The following DGKG variants were observed in gnomAD, a reference collection of about 807,000 sequenced individuals.
The protein encoded by DGKG is diacylglycerol kinase gamma.
A neutral mutation model predicts 105.3 loss-of-function variants in DGKG; 78 were observed. The observed-to-expected ratio is 0.74, with a 90% CI of 0.62 to 0.89. DGKG has a LOEUF of 0.89. DGKG is among the 40% of genes least tolerant of loss of function. The pLI, the probability that DGKG is intolerant of heterozygous loss-of-function variation, is 0.00. For synonymous variants in DGKG, 346 were observed against 367.1 expected, an observed-to-expected ratio of 0.94 and a Z score of 0.66; for missense variants, 958 against 1,020.1, an observed-to-expected ratio of 0.94 and a Z score of 0.83.
chr3:186,185,309 A>G (rs899470793), intron 22 of DGKG, among the ~76,000 whole-genome samples: 5 of 152,250 alleles, frequency 3.3e-5, no homozygotes, highest in Admixed American at 1.3e-4. Flanking sequence ...CCTCATCTAA[A>G]GAACAGGAAG....
At chr3:186,213,867 T>A (rs1359874569) in intron 20 of DGKG, among the ~76,000 whole-genome samples, 1 of 152,126 alleles carries the variant, frequency 6.6e-6, no homozygotes, top group East Asian at 1.9e-4. Context: ...AGGAGAGAAT[T>A]CTCCAGGGAG....
At chr3:186,279,734 T>A (rs971284239) in intron 9 of DGKG, 117 bp downstream of exon 9, 8 of 1,218,522 alleles carry the variant, frequency 6.6e-6, no homozygotes, top group Non-Finnish European at 9.2e-6. Context: ...TTGGGGCTGG[T>A]CATGGCACGT....
At chr3:186,355,194 A>T in intron 1 of DGKG, among the ~76,000 whole-genome samples, 1 of 57,802 alleles carries the variant, frequency 1.7e-5, no homozygotes, top group Admixed American at 2.2e-4. Flanking sequence ...ACCACCATCA[A>T]TACCACCACC....
chr3:186,173,524 C>T (rs372174209), intron 22 of DGKG, among the ~76,000 whole-genome samples: 3 of 152,360 alleles, frequency 2.0e-5, no homozygotes, highest in East Asian at 3.9e-4. Flanking sequence ...CAGACTTAGC[C>T]CACTAAGGCG....
chr3:186,317,008 C>A (rs1053440734), intron 2 of DGKG, among the ~76,000 whole-genome samples: 1 of 152,210 alleles, frequency 6.6e-6, no homozygotes, highest in Non-Finnish European at 1.5e-5. Flanking sequence ...AGTGCCTCAT[C>A]CAGTCCCGCG....
intron 1 of DGKG, among the ~76,000 whole-genome samples, chr3:186,359,542 G>T (rs1727130275): frequency 6.6e-6 from 1 of 152,150 alleles, no homozygotes; most frequent in Non-Finnish European, 1.5e-5. Flanking sequence ...TACTAGCTAT[G>T]TAACTTGGGC....
At chr3:186,334,938 C>G (rs1252244777) in intron 1 of DGKG, among the ~76,000 whole-genome samples, 1 of 152,116 alleles carries the variant, frequency 6.6e-6, no homozygotes, top group Non-Finnish European at 1.5e-5. Context: ...GAATAAAGTA[C>G]AACATTGAAA....
rs1254876150 is a variant in DGKG at position 186,257,943 on chromosome 3, GGAA to G, written c.1425-7_1425-5del. The G allele has an allele frequency of 2.4e-5, 39 of 1,613,472 alleles. No individual in the cohort carries two copies. Among genetic ancestry groups the G allele is most frequent in the Admixed American group, 3.3e-5 (2 of 59,982 alleles). ...AGTATCACGGAAAAAGTTCAACCTG[GGAA>G]GAAGAAGAAAGGCCAAAATGGGCTT... On this transcript the variant is annotated splice_region_variant and splice_polypyrimidine_tract_variant and intron_variant, in intron 16 of 24. Coordinates refer to ENST00000265022, the MANE Select transcript of DGKG (RefSeq NM_001346.3).
chr3:186,308,853 T>A (rs919266199), intron 2 of DGKG, among the ~76,000 whole-genome samples: 2 of 152,188 alleles, frequency 1.3e-5, no homozygotes, highest in African/African-American at 4.8e-5. Context: ...CTAATAGCTG[T>A]CCCTTACTGG....
At chr3:186,198,746 A>T (rs1350915072) in intron 21 of DGKG, among the ~76,000 whole-genome samples, 1 of 152,234 alleles carries the variant, frequency 6.6e-6, no homozygotes, top group East Asian at 1.9e-4. Flanking sequence ...GAAGAAAAGG[A>T]AGTAGTTACC....
At chr3:186,319,408 C>T (rs544568951) in intron 2 of DGKG, among the ~76,000 whole-genome samples, 204 of 152,290 alleles carry the variant, frequency 1.3e-3, no homozygotes, top group African/African-American at 4.7e-3. Flanking sequence ...TTCCCTGACT[C>T]CTAGACCAGC....
At chr3:186,152,242 T>C (rs1348882494) in intron 24 of DGKG, among the ~76,000 whole-genome samples, 4 of 152,172 alleles carry the variant, frequency 2.6e-5, no homozygotes, top group Non-Finnish European at 2.9e-5. Flanking sequence ...TCTCTGTTTT[T>C]TGATAGTCAC....
intron 21 of DGKG, among the ~76,000 whole-genome samples, chr3:186,206,143 T>G (rs1718720721): frequency 6.6e-6 from 1 of 152,186 alleles, no homozygotes; most frequent in African/African-American, 2.4e-5. Flanking sequence ...CCCAGCACTT[T>G]GGGACGCCGA....
At position 186,149,008 on chromosome 3, in the gene DGKG, G is replaced by GCA. The variant is rs770045630; in HGVS notation, c.*1080_*1081dup. The stretch of plus-strand genomic sequence containing the variant: ...ATAGGCTAAATATATATATATACAC[G>GCA]CACACACACACACACACGCGCGCAC... On this transcript the variant is annotated 3_prime_UTR_variant, in exon 25 of 25. Coordinates refer to ENST00000265022, the MANE Select transcript of DGKG (RefSeq NM_001346.3). 2,379 of 792,330 alleles carry GCA rather than the reference G, an allele frequency of 3.0e-3. 4 individuals are homozygous for GCA. Among genetic ancestry groups the GCA allele is most frequent in the Middle Eastern group, 0.011 (17 of 1,564 alleles). 49.1% of individuals were successfully genotyped at this position (792,330 alleles called of 1,614,324 possible).
chr3:186,174,966 AAGG>A (rs1419142487), intron 22 of DGKG, among the ~76,000 whole-genome samples: 1 of 152,110 alleles, frequency 6.6e-6, no homozygotes, highest in Non-Finnish European at 1.5e-5. Flanking sequence ...AAGAGTTAGG[AAGG>A]AGAAGCAGGG....
At position 186,312,122 on chromosome 3, in the gene DGKG, C is replaced by CAAAAAAA. The variant is rs34286105; in HGVS notation, c.68-5152_68-5146dup. On this transcript the variant is annotated intron_variant, in intron 2 of 24. Transcript: ENST00000265022. ...TGGGCGACAGAGCGAGACTCCGTCT[C>CAAAAAAA]AAAAAAAAAAAAAAAAAAAAAAAAA... Among the ~76,000 whole-genome samples the CAAAAAAA allele has an allele frequency of 1.1e-4, 2 of 17,472 alleles. 1 individual carries two copies. The highest frequency in any genetic ancestry group is 1.6e-4 in the Non-Finnish European group (2 of 12,470). The allele number at this position is 17,472 out of a possible 152,430, so 11.5% of individuals were successfully genotyped here.
At chr3:186,297,707 C>A (rs1026051159) in intron 4 of DGKG, among the ~76,000 whole-genome samples, 6 of 152,216 alleles carry the variant, frequency 3.9e-5, no homozygotes, top group Non-Finnish European at 7.3e-5. Flanking sequence ...TCCTCTAACA[C>A]TTCCAAGCTA....
chr3:186,161,223 T>G, intron 24 of DGKG: 1 of 1,000,654 alleles, frequency 1.0e-6, no homozygotes, highest in Non-Finnish European at 1.2e-6. Context: ...GGAAGCAATT[T>G]GACTTGTTCA....
intron 5 of DGKG, among the ~76,000 whole-genome samples, chr3:186,296,588 A>G (rs1723573485): frequency 6.6e-6 from 1 of 152,218 alleles, no homozygotes; most frequent in Non-Finnish European, 1.5e-5. Context: ...CAGTGGGCCT[A>G]TGGGCAGCAG....
Sources: allele counts gnomAD v4.1 joint callset (sites outside exome capture counted in the v4.1 genomes callset), GRCh38; gene constraint gnomAD v4.1.1; transcripts MANE v1.5; gene names NCBI Gene and HGNC (gene_info 2026-07-23, HGNC 2026-07-21).